TMTC1: variants seen among roughly 807,000 people sequenced by gnomAD.
TMTC1 encodes transmembrane O-mannosyltransferase targeting cadherins 1, also known as protein O-mannosyl-transferase TMTC1.
Under a neutral mutation model 104.8 loss-of-function variants are expected in TMTC1, and 73 were observed. The ratio of observed to expected loss-of-function variants is 0.70; its 90% confidence interval spans 0.58 to 0.85. TMTC1 has a LOEUF of 0.85. Ranked by LOEUF, TMTC1 falls within the 40% of genes least tolerant of loss-of-function variation. The pLI is 0.00. For synonymous variants in TMTC1, 434 were observed against 428.7 expected, an observed-to-expected ratio of 1.01 and a Z score of -0.15; for missense variants, 1,035 against 1,096.1, an observed-to-expected ratio of 0.94 and a Z score of 0.79.
intron 5 of TMTC1, among the ~76,000 whole-genome samples, chr12:29,716,915 T>A (rs1247530426): frequency 2.0e-5 from 3 of 152,074 alleles, no homozygotes; most frequent in African/African-American, 7.2e-5. Context: ...CTTGGGAGGC[T>A]GAGGCAGGAG....
chr12:29,587,497 T>C (rs1946170471), intron 7 of TMTC1, among the ~76,000 whole-genome samples: 1 of 152,040 alleles, frequency 6.6e-6, no homozygotes, highest in African/African-American at 2.4e-5. Flanking sequence ...TACACCCAAC[T>C]AATTTTTGTA....
chr12:29,507,412 TTAAA>T (rs1414358250), intron 17 of TMTC1, among the ~76,000 whole-genome samples: 2 of 152,296 alleles, frequency 1.3e-5, no homozygotes, highest in African/African-American at 4.8e-5. Context: ...AGAAGAATGA[TTAAA>T]TAGTTTATGT....
intron 8 of TMTC1, among the ~76,000 whole-genome samples, chr12:29,576,434 A>G (rs529747438): frequency 1.3e-5 from 2 of 152,320 alleles, no homozygotes; most frequent in African/African-American, 4.8e-5. Flanking sequence ...ATATACACAC[A>G]ATGAAACATT....
intron 6 of TMTC1, among the ~76,000 whole-genome samples, chr12:29,632,531 T>C (rs1450867733): frequency 6.6e-6 from 1 of 152,182 alleles, no homozygotes; most frequent in African/African-American, 2.4e-5. Context: ...TGCCACCTTG[T>C]GAAGAAGGAC....
intron 9 of TMTC1, among the ~76,000 whole-genome samples, chr12:29,559,663 G>C (rs142565): frequency 6.6e-6 from 1 of 151,974 alleles, no homozygotes; most frequent in Non-Finnish European, 1.5e-5. Context: ...TGTTGGCAAA[G>C]ATCCCCAACT....
intron 1 of TMTC1, 130 bp from the exon 2 acceptor site, chr12:29,768,205 C>G: frequency 1.3e-6 from 1 of 745,808 alleles, no homozygotes; most frequent in African/African-American, 1.8e-5. Flanking sequence ...TGATTCCCAA[C>G]ATTGGGTTAT....
chr12:29,783,340 G>A lies in TMTC1; in HGVS notation c.302+110C>T, dbSNP rs1337090723. 3 of 992,110 alleles carry A rather than the reference G, an allele frequency of 3.0e-6. No individual in the cohort carries two copies. In the African/African-American group the frequency reaches 5.0e-5, roughly 17 times the overall value. 61.5% of individuals were successfully genotyped at this position (992,110 alleles called of 1,614,324 possible). On this transcript the variant is annotated intron_variant, in intron 1 of 17. Transcript: ENST00000539277. The surrounding 1 kb of genome is among the most constrained non-coding windows in gnomAD (Gnocchi z 4.7). ...GAGAGGAGGGAGGCGTGGAGGGAAA[G>A]GGCGGCAAAAATGAAATGCCCCCAA...
At chr12:29,660,080 AC>A (rs1939945740) in intron 5 of TMTC1, 2 of 917,986 alleles carry the variant, frequency 2.2e-6, no homozygotes, top group Non-Finnish European at 3.3e-6. Context: ...GAAGTCAGTC[AC>A]CCCTTCCCTT....
intron 5 of TMTC1, among the ~76,000 whole-genome samples, chr12:29,689,899 C>T (rs1355857834): frequency 6.6e-6 from 1 of 152,134 alleles, no homozygotes; most frequent in Non-Finnish European, 1.5e-5. Context: ...GTCTCTCTTG[C>T]ATTATAACAA....
At chr12:29,673,075 A>G (rs1053283434) in intron 5 of TMTC1, among the ~76,000 whole-genome samples, 2 of 152,170 alleles carry the variant, frequency 1.3e-5, no homozygotes, top group Admixed American at 6.5e-5. Context: ...TGTAAAATAA[A>G]TTCACTTTCT....
At chr12:29,523,180 T>C (rs577630912) in intron 11 of TMTC1, among the ~76,000 whole-genome samples, 1 of 152,334 alleles carries the variant, frequency 6.6e-6, no homozygotes, top group African/African-American at 2.4e-5. Context: ...AACACCATTG[T>C]TAAAAGAAAA....
At chr12:29,673,247 T>C (rs199650031) in intron 5 of TMTC1, among the ~76,000 whole-genome samples, 1 of 102,810 alleles carries the variant, frequency 9.7e-6, no homozygotes, top group South Asian at 3.1e-4. Context: ...TCACTTGCTT[T>C]GAAACTCCTG....
At chr12:29,605,571 TAAAA>T (rs34353381) in intron 6 of TMTC1, among the ~76,000 whole-genome samples, 1 of 101,868 alleles carries the variant, frequency 9.8e-6, no homozygotes, top group Non-Finnish European at 2.0e-5. Flanking sequence ...CCAAAAAGGG[TAAAA>T]AAAAAAAAAA....
intron 5 of TMTC1, among the ~76,000 whole-genome samples, chr12:29,696,576 T>A (rs1162413564): frequency 1.3e-5 from 2 of 152,208 alleles, no homozygotes; most frequent in Admixed American, 6.5e-5. Context: ...AATACCAATG[T>A]TATTGCTTAC....
chr12:29,611,109 G>A (rs1317054985), intron 6 of TMTC1, among the ~76,000 whole-genome samples: 4 of 151,988 alleles, frequency 2.6e-5, no homozygotes, highest in Admixed American at 1.3e-4. Flanking sequence ...ACAGAGCACC[G>A]AAGGCCGATT....
intron 6 of TMTC1, among the ~76,000 whole-genome samples, chr12:29,625,113 T>C (rs753867277): frequency 1.3e-5 from 2 of 152,238 alleles, no homozygotes; most frequent in Non-Finnish European, 2.9e-5. Context: ...TTTGGAAATA[T>C]TCCAGGTGGA....
At chr12:29,600,258 G>A (rs1946530166) in intron 7 of TMTC1, among the ~76,000 whole-genome samples, 1 of 152,030 alleles carries the variant, frequency 6.6e-6, no homozygotes, top group Non-Finnish European at 1.5e-5. Context: ...CCGTGGCTCT[G>A]GGGAAGATTT....
At chr12:29,699,420 A>G (rs1439731649) in intron 5 of TMTC1, among the ~76,000 whole-genome samples, 1 of 150,636 alleles carries the variant, frequency 6.6e-6, no homozygotes, top group Non-Finnish European at 1.5e-5. Context: ...CCAAAAAATT[A>G]CAACGTTATA....
At chr12:29,749,358 TC>T (rs1364935386) in intron 5 of TMTC1, among the ~76,000 whole-genome samples, 2 of 152,178 alleles carry the variant, frequency 1.3e-5, no homozygotes, top group African/African-American at 2.4e-5. Flanking sequence ...CACTTTCTTA[TC>T]ATCCACTCAT....
Sources: gnomAD v4.1 joint callset for allele counts (sites outside exome capture counted in the v4.1 genomes callset) on GRCh38, gnomAD v4.1.1 for gene constraint, Gnocchi (gnomAD v3.1) non-coding constraint, MANE v1.5 for transcripts, NCBI Gene and HGNC (gene_info 2026-07-23, HGNC 2026-07-21) for gene names.